The following SMOC1 variants were observed in gnomAD, a reference collection of about 807,000 sequenced individuals.
The protein encoded by SMOC1 is SPARC-related modular calcium-binding protein 1.
SMOC1 carries 22 observed loss-of-function variants against 56.3 expected under a neutral mutation model. The observed-to-expected ratio is 0.39, with a 90% confidence interval of 0.28 to 0.56. The LOEUF (loss-of-function observed/expected upper bound fraction) is 0.56. SMOC1 is among the 20% of genes least tolerant of loss of function. The pLI is 0.61. For missense variants in SMOC1, 509 were observed against 565.4 expected (o/e 0.90, Z 1.01); for synonymous variants, 193 against 215.0 (o/e 0.90, Z 0.89).
At position 69,924,473 on chromosome 14, in the gene SMOC1, G is replaced by A. The variant is rs1033630454; in HGVS notation, c.100-27665G>A. ...TTGAACCTCTTTAGAAGTGGATATC[G>A]AATCCCACATTCCGTAATGGGAAAC... On this transcript the variant is annotated intron_variant, in intron 1 of 11. Transcript: ENST00000361956. Among the ~76,000 whole-genome samples the A allele has an allele frequency of 3.9e-5, 6 of 152,008 alleles. No individual in the cohort carries two copies. In the East Asian group the frequency reaches 7.8e-4, roughly 20 times the overall value.
intron 1 of SMOC1, among the ~76,000 whole-genome samples, chr14:69,934,418 T>C (rs1290774944): frequency 1.3e-5 from 2 of 152,180 alleles, no homozygotes; most frequent in Admixed American, 1.3e-4. Context: ...TTCTGAATTT[T>C]GTCCCTCATA....
chr14:69,994,440 C>G lies in SMOC1; in HGVS notation c.624C>G (p.Ile208Met). Residue 208 changes from isoleucine to methionine, a missense_variant, in exon 7 of 12, where the codon ATC (isoleucine) becomes ATG (methionine). By Grantham distance (10) the Ile-to-Met change is conservative (BLOSUM62 1). Around this residue, in one of 3 missense-constraint regions of SMOC1, gnomAD observed 315 missense variants for 333.1 expected, o/e 0.95. Transcript: ENST00000361956. ...CTCTATGGATTAAACACTTGGTGAT[C>G]AAGGACTCCAAACTGAACAACACCA... ...APTLWIKHLV[I>M]KDSKLNNTNI... is the part of the protein sequence containing the mutation. 6.2e-7 allele frequency: 1 copy of G among 1,614,020 alleles called. No homozygotes were observed. Among genetic ancestry groups the G allele is most frequent in the African/African-American group, 1.3e-5 (1 of 75,024 alleles).
intron 1 of SMOC1, among the ~76,000 whole-genome samples, chr14:69,915,045 T>A (rs1476313327): frequency 6.6e-6 from 1 of 152,126 alleles, no homozygotes; most frequent in African/African-American, 2.4e-5. Flanking sequence ...TTTTTGTATT[T>A]TTAGTAAAGA....
At chr14:70,022,050 A>G (rs1010176813) in intron 10 of SMOC1, among the ~76,000 whole-genome samples, 2 of 152,058 alleles carry the variant, frequency 1.3e-5, no homozygotes, top group Non-Finnish European at 2.9e-5. Context: ...GGGACTCCCA[A>G]CATCAATCTT....
chr14:70,016,020 G>A (rs1236281208), intron 10 of SMOC1, among the ~76,000 whole-genome samples: 2 of 152,264 alleles, frequency 1.3e-5, no homozygotes, highest in African/African-American at 4.8e-5. Flanking sequence ...TCCTGGCACT[G>A]CCCCCCAGCT....
chr14:69,910,082 T>C (rs985981211), intron 1 of SMOC1, among the ~76,000 whole-genome samples: 6 of 152,250 alleles, frequency 3.9e-5, no homozygotes, highest in Admixed American at 2.0e-4. Flanking sequence ...TGTGGAACAA[T>C]TCTAGATAGA....
At chr14:69,965,337 C>T (rs183152782) in intron 3 of SMOC1, among the ~76,000 whole-genome samples, 49 of 150,566 alleles carry the variant, frequency 3.3e-4, no homozygotes, top group African/African-American at 1.1e-3. Flanking sequence ...GCCGAGTTGG[C>T]GCCACTGCAC....
At chr14:69,980,481 C>T (rs980661253) in intron 5 of SMOC1, among the ~76,000 whole-genome samples, 1 of 152,190 alleles carries the variant, frequency 6.6e-6, no homozygotes, top group Non-Finnish European at 1.5e-5. Flanking sequence ...GTGTTGGATC[C>T]TCTTCTCTTT....
chr14:69,932,297 T>C (rs1374682448), intron 1 of SMOC1, among the ~76,000 whole-genome samples: 1 of 152,226 alleles, frequency 6.6e-6, no homozygotes, highest in Admixed American at 6.5e-5. Context: ...GGCTTTATAG[T>C]AAACTTGCTG....
chr14:69,891,332 A>G (rs1050028909), intron 1 of SMOC1, among the ~76,000 whole-genome samples: 9 of 152,364 alleles, frequency 5.9e-5, no homozygotes, highest in Admixed American at 2.0e-4. Flanking sequence ...TGGTGAATAC[A>G]TATATTCTTA....
chr14:69,945,827 C>G (rs1882759233), intron 1 of SMOC1, among the ~76,000 whole-genome samples: 1 of 152,212 alleles, frequency 6.6e-6, no homozygotes, highest in Admixed American at 6.5e-5. Context: ...ACTTCACTCT[C>G]CCAAATCCAG....
chr14:69,907,038 TAG>T (rs1327604193), intron 1 of SMOC1, among the ~76,000 whole-genome samples: 1 of 152,056 alleles, frequency 6.6e-6, no homozygotes, highest in Non-Finnish European at 1.5e-5. Flanking sequence ...TAGGAGGAGT[TAG>T]GTGGAAACAG....
chr14:69,978,021 G>C, intron 5 of SMOC1, 56 bp downstream of exon 5: 1 of 1,433,108 alleles, frequency 7.0e-7, no homozygotes, highest in Non-Finnish European at 9.9e-7. Flanking sequence ...GGTCCAAGCA[G>C]GATTTCTTAG....
chr14:70,027,745 G>A (rs1198024345), intron 11 of SMOC1, among the ~76,000 whole-genome samples: 2 of 152,196 alleles, frequency 1.3e-5, no homozygotes, highest in African/African-American at 2.4e-5. Flanking sequence ...CTACCTCAAC[G>A]ATTTGGTGAG....
At chr14:69,964,208 T>C (rs1215728103) in intron 3 of SMOC1, among the ~76,000 whole-genome samples, 1 of 151,850 alleles carries the variant, frequency 6.6e-6, no homozygotes, top group Non-Finnish European at 1.5e-5. Context: ...ATTTGTCTAT[T>C]GTGGAAATGA....
chr14:69,885,649 G>A (rs748816366), intron 1 of SMOC1: 94 of 1,451,024 alleles, frequency 6.5e-5, no homozygotes, highest in African/African-American at 9.8e-5. Flanking sequence ...CAACCAGCTC[G>A]ATGGGATCCA....
intron 5 of SMOC1, among the ~76,000 whole-genome samples, chr14:69,990,087 A>C (rs227424): frequency 0.62 from 94,558 of 152,104 alleles, 30,103 homozygotes; most frequent in African/African-American, 0.74. Flanking sequence ...CTTCCCTGCA[A>C]GTGGCTTTAT....
At chr14:69,895,706 C>T (rs1884076669) in intron 1 of SMOC1, among the ~76,000 whole-genome samples, 1 of 152,112 alleles carries the variant, frequency 6.6e-6, no homozygotes, top group African/African-American at 2.4e-5. Flanking sequence ...TTGTCTTCTC[C>T]CTGGCTTTGA....
intron 5 of SMOC1, among the ~76,000 whole-genome samples, chr14:69,984,844 G>A (rs1176934243): frequency 2.6e-5 from 4 of 151,280 alleles, no homozygotes; most frequent in South Asian, 2.1e-4. Context: ...ATGACAGAGC[G>A]AGACTCCATC....
Sources: allele counts gnomAD v4.1 joint callset (sites outside exome capture counted in the v4.1 genomes callset), GRCh38; gene constraint gnomAD v4.1.1; regional missense constraint gnomAD v4.1.1; transcripts MANE v1.5; gene names NCBI Gene and HGNC (gene_info 2026-07-23, HGNC 2026-07-21).